Variants in DHRS4L2 observed in about 807,000 individuals in gnomAD.
DHRS4L2 encodes dehydrogenase/reductase SDR family member 4-like 2.
A neutral mutation model predicts 23.9 loss-of-function variants in DHRS4L2; 22 were observed. The observed-to-expected ratio is 0.92, with a 90% CI of 0.66 to 1.31. The LOEUF is 1.31. DHRS4L2 is among the 40% of genes most tolerant of loss of function. The pLI is 0.00. For missense variants in DHRS4L2, 385 were observed against 303.3 expected (o/e 1.27, Z -2.00); for synonymous variants, 141 against 123.7 (o/e 1.14, Z -0.93).
At chr14:23,981,893 T>A (rs10140021) in intron 1 of DHRS4L2, among the ~76,000 whole-genome samples, 84,525 of 151,410 alleles carry the variant, frequency 0.56, 26,689 homozygotes, top group East Asian at 0.86. Context: ...TGCTGCAAAC[T>A]TGTCTCACCT....
At chr14:23,991,339 G>GA (rs1322916698) in intron 2 of DHRS4L2, among the ~76,000 whole-genome samples, 1 of 151,754 alleles carries the variant, frequency 6.6e-6, no homozygotes, top group Admixed American at 6.6e-5. Flanking sequence ...GCTTGGCTTA[G>GA]ACTGGTCGAC....
intron 1 of DHRS4L2, among the ~76,000 whole-genome samples, chr14:23,978,089 T>TTCTCACCCTTTTA (rs2138512941): frequency 1.3e-5 from 2 of 151,746 alleles, no homozygotes; most frequent in African/African-American, 4.9e-5. Flanking sequence ...TTAAATTCAA[T>TTCTCACCCTTTTA]TCTCACCCTT....
At chr14:23,997,565 T>C (rs1185086894) in intron 3 of DHRS4L2, among the ~76,000 whole-genome samples, 1 of 145,236 alleles carries the variant, frequency 6.9e-6, no homozygotes, top group Non-Finnish European at 1.5e-5. Context: ...CGTGTTGTGA[T>C]TTCAACAATA....
At chr14:23,999,445 C>G (rs527862560) in intron 3 of DHRS4L2, among the ~76,000 whole-genome samples, 2 of 147,902 alleles carry the variant, frequency 1.4e-5, no homozygotes, top group Non-Finnish European at 3.0e-5. Context: ...TTTAAACTAT[C>G]ACAGTATGTC....
upstream of DHRS4L2, among the ~76,000 whole-genome samples, chr14:23,986,834 T>A (rs1340225592): frequency 6.6e-6 from 1 of 151,386 alleles, no homozygotes; most frequent in Non-Finnish European, 1.5e-5. Context: ...TGGAGAGCCC[T>A]GGGAAGGGTT....
intron 1 of DHRS4L2, among the ~76,000 whole-genome samples, chr14:23,973,243 G>T (rs1183757681): frequency 6.6e-6 from 1 of 151,906 alleles, no homozygotes; most frequent in Non-Finnish European, 1.5e-5. Context: ...ACAATACCCT[G>T]CTTTCAAGGG....
chr14:23,996,485 C>G (rs1412880683), intron 3 of DHRS4L2, among the ~76,000 whole-genome samples: 1 of 150,742 alleles, frequency 6.6e-6, no homozygotes, highest in Non-Finnish European at 1.5e-5. Context: ...AAAACAACAA[C>G]AACAACAATG....
intron 2 of DHRS4L2, among the ~76,000 whole-genome samples, chr14:23,991,365 G>A (rs568327321): frequency 2.1e-4 from 32 of 151,724 alleles, no homozygotes; most frequent in Non-Finnish European, 4.4e-4. Context: ...CCAAGATTGG[G>A]GCCTTGATCC....
At position 24,006,084 on chromosome 14, in the gene DHRS4L2, C is replaced by T. The variant is rs566881017; in HGVS notation, c.*221C>T. 864 of 1,531,546 alleles carry T rather than the reference C, an allele frequency of 5.6e-4. 19 individuals carry two copies. In the African/African-American group the frequency reaches 0.011, roughly 20 times the overall value. 94.9% of individuals were successfully genotyped at this position (1,531,546 alleles called of 1,614,324 possible). ...ATTCACCCACTGGCCTTTCCCACCT[C>T]TGCTCACCTTACTGTTCACCTCATC... On this transcript the variant is annotated 3_prime_UTR_variant, in exon 8 of 8. Coordinates refer to ENST00000335125, the MANE Select transcript of DHRS4L2 (RefSeq NM_198083.4).
At chr14:23,995,006 G>C in intron 2 of DHRS4L2, 26 bp from the exon 3 acceptor site, 1 of 1,611,708 alleles carries the variant, frequency 6.2e-7, no homozygotes, top group Non-Finnish European at 8.5e-7. Context: ...CTGCAGCCCT[G>C]GTCCAGACCT....
chr14:24,001,171 C>A, intron 5 of DHRS4L2, 87 bp downstream of exon 5: 2 of 1,606,418 alleles, frequency 1.2e-6, no homozygotes, highest in South Asian at 2.2e-5. Flanking sequence ...GTTTGTGTCC[C>A]CTTGTAGAAT....
At position 24,004,416 on chromosome 14, in the gene DHRS4L2, C is replaced by A. The variant is rs1460071375; in HGVS notation, c.*22+24C>A. 6.9e-6 allele frequency: 11 copies of A among 1,593,688 alleles called. No homozygotes were observed. The South Asian group carries it at 1.1e-4, about 16-fold the overall frequency. On this transcript the variant is annotated intron_variant, in intron 7 of 7. Transcript: ENST00000335125. ...AGGTAAACTGTCATGAGGGCAAGGGCACTAAGAGACATGAAGATGGGAAGG... is the reference window on the plus strand; with the variant it reads ...AGGTAAACTGTCATGAGGGCAAGGGAACTAAGAGACATGAAGATGGGAAGG...
intron 2 of DHRS4L2, among the ~76,000 whole-genome samples, chr14:23,993,354 A>G (rs1372113540): frequency 6.6e-6 from 1 of 151,732 alleles, no homozygotes; most frequent in Non-Finnish European, 1.5e-5. Flanking sequence ...TGACAAACCC[A>G]GCATTCCTTC....
chr14:23,981,146 A>G (rs576729306), intron 1 of DHRS4L2, among the ~76,000 whole-genome samples: 136 of 151,800 alleles, frequency 9.0e-4, no homozygotes, highest in Middle Eastern at 3.4e-3. Context: ...AATCAGAAGC[A>G]TTCCTATATG....
In DHRS4L2 at chr14:23,981,196, A is replaced by ATT. The variant is rs2034045516; in HGVS notation, c.-175-8985_-175-8984dup. Among the ~76,000 whole-genome samples the ATT allele has an allele frequency of 3.3e-5, 5 of 151,668 alleles. No homozygotes were observed. In the South Asian group the frequency reaches 1.0e-3, roughly 32 times the overall value. On this transcript the variant is annotated intron_variant, in intron 1 of 5. Transcript: ENST00000534993. ...AGAGCCAAATCATGAGTGAACTCCC[A>ATT]TTCGCGACTGCTACAAAGAGAATAA...
chr14:23,972,695 C>T (rs544005511), intron 1 of DHRS4L2, among the ~76,000 whole-genome samples: 7 of 152,028 alleles, frequency 4.6e-5, no homozygotes, highest in South Asian at 2.1e-4. Flanking sequence ...AGGGGACCGG[C>T]GCTCAGCATA....
At chr14:24,001,341 G>C (rs1378122198) in intron 5 of DHRS4L2, 43 bp from the exon 6 acceptor site, 14 of 1,589,818 alleles carry the variant, frequency 8.8e-6, no homozygotes, top group Non-Finnish European at 1.2e-5. Context: ...AACCAAGAAT[G>C]ACCTGGAAAC....
chr14:23,996,526 A>G (rs2034385507), intron 3 of DHRS4L2, among the ~76,000 whole-genome samples: 1 of 150,782 alleles, frequency 6.6e-6, no homozygotes. Context: ...AGGAACTATC[A>G]TCAAAATAAC....
At chr14:23,985,901 A>C (rs2034131945), upstream of DHRS4L2, among the ~76,000 whole-genome samples, 2 of 151,352 alleles carry the variant, frequency 1.3e-5, no homozygotes, top group South Asian at 4.2e-4. Context: ...ACAGGGTTTC[A>C]CCATGTTGGT....
Sources: allele counts gnomAD v4.1 joint callset (sites outside exome capture counted in the v4.1 genomes callset), GRCh38; gene constraint gnomAD v4.1.1; transcripts MANE v1.5; gene names NCBI Gene and HGNC (gene_info 2026-07-23, HGNC 2026-07-21).